Variants in PTPRA observed in about 807,000 individuals in gnomAD.
The protein encoded by PTPRA is protein tyrosine phosphatase receptor type A.
In PTPRA, 25 loss-of-function variants were observed where a neutral mutation model predicts 104.8. That is an observed-to-expected ratio of 0.24 (90% confidence interval 0.17 to 0.33). The LOEUF (loss-of-function observed/expected upper bound fraction) is 0.33. Ranked by LOEUF, PTPRA falls within the 10% of genes least tolerant of loss-of-function variation. The pLI is 1.00. For missense variants in PTPRA, 765 were observed against 1,015.3 expected, an observed-to-expected ratio of 0.75 and a Z score of 3.35; for synonymous variants, 323 against 368.9, an observed-to-expected ratio of 0.88 and a Z score of 1.43.
intron 1 of PTPRA, among the ~76,000 whole-genome samples, chr20:2,902,137 G>C (rs1442868639): frequency 1.3e-5 from 2 of 151,946 alleles, no homozygotes; most frequent in Non-Finnish European, 2.9e-5. Context: ...CACTTCCCTC[G>C]GCCTCCCAAA....
chr20:2,982,126 C>T (rs1415396715), intron 6 of PTPRA, among the ~76,000 whole-genome samples: 2 of 149,410 alleles, frequency 1.3e-5, no homozygotes, highest in African/African-American at 5.0e-5. Context: ...AGTCTCGCTC[C>T]GTCACCCAGG....
At chr20:2,979,157 T>C (rs2062566783) in intron 6 of PTPRA, among the ~76,000 whole-genome samples, 1 of 152,222 alleles carries the variant, frequency 6.6e-6, no homozygotes. Context: ...CCCCATGCCC[T>C]GGAAATGGTT....
upstream of PTPRA, among the ~76,000 whole-genome samples, chr20:2,869,748 C>T (rs2089405306): frequency 6.6e-6 from 1 of 152,114 alleles, no homozygotes; most frequent in Admixed American, 6.5e-5. Context: ...GGTGGATCAC[C>T]TGGGGTCAGG....
chr20:2,940,498 A>G (rs915824025), intron 2 of PTPRA, among the ~76,000 whole-genome samples: 6 of 152,086 alleles, frequency 3.9e-5, no homozygotes, highest in Non-Finnish European at 7.4e-5. Context: ...AGGATTGGCA[A>G]ACTATAATCT....
At position 2,885,013 on chromosome 20, in the gene PTPRA, G is replaced by A. The variant is rs566905284; in HGVS notation, c.-129+11253G>A. Among the ~76,000 whole-genome samples, 15 of 152,144 alleles carry A rather than the reference G, an allele frequency of 9.9e-5. No individual in the cohort carries two copies. In the South Asian group the frequency reaches 2.9e-3, roughly 30 times the overall value. ...TTTAGTAGAGATGGGATTTCACAGT[G>A]TTAGCCAGGATGGTCTCGACCTCGT... On this transcript the variant is annotated intron_variant, in intron 1 of 23. Coordinates refer to ENST00000399903, the MANE Select transcript of PTPRA (RefSeq NM_001385305.1).
chr20:2,935,491 A>G (rs1211020760), intron 2 of PTPRA, among the ~76,000 whole-genome samples: 4 of 152,228 alleles, frequency 2.6e-5, no homozygotes, highest in Non-Finnish European at 4.4e-5. Flanking sequence ...ACATACCCAT[A>G]TTAGTTATAT....
intron 5 of PTPRA, among the ~76,000 whole-genome samples, chr20:2,971,927 C>A (rs897053590): frequency 6.6e-6 from 1 of 152,056 alleles, no homozygotes; most frequent in Non-Finnish European, 1.5e-5. Context: ...CTCCACCTCG[C>A]GGGTTCAAGT....
At chr20:2,965,773 T>C (rs2061923449) in intron 5 of PTPRA, among the ~76,000 whole-genome samples, 1 of 152,182 alleles carries the variant, frequency 6.6e-6, no homozygotes. Context: ...AATGGTTACA[T>C]TGCAGTGCCA....
intron 3 of PTPRA, among the ~76,000 whole-genome samples, chr20:2,948,787 T>TA (rs1286067102): frequency 6.6e-6 from 1 of 151,618 alleles, no homozygotes; most frequent in Admixed American, 6.6e-5. Context: ...CTGTCTGTAC[T>TA]AAAAATAGAA....
intron 1 of PTPRA, among the ~76,000 whole-genome samples, chr20:2,902,421 A>G (rs1318633812): frequency 6.6e-6 from 1 of 152,014 alleles, no homozygotes; most frequent in Non-Finnish European, 1.5e-5. Context: ...GTTTCCAGGG[A>G]TATGTCTTCT....
intron 5 of PTPRA, among the ~76,000 whole-genome samples, chr20:2,967,803 G>A (rs1317543521): frequency 6.6e-6 from 1 of 152,200 alleles, no homozygotes; most frequent in East Asian, 1.9e-4. Context: ...TGAGGCTGCA[G>A]TGAGCTGTGT....
At chr20:2,917,262 A>G (rs1329814423) in intron 1 of PTPRA, among the ~76,000 whole-genome samples, 1 of 151,970 alleles carries the variant, frequency 6.6e-6, no homozygotes, top group Non-Finnish European at 1.5e-5. Context: ...ATTTTTGAAA[A>G]AATAAATAAA....
intron 11 of PTPRA, among the ~76,000 whole-genome samples, chr20:3,013,761 G>C (rs528138720): frequency 6.6e-6 from 1 of 152,204 alleles, no homozygotes; most frequent in East Asian, 1.9e-4. Flanking sequence ...TAGGAATGTA[G>C]CTACCACCTA....
chr20:2,868,469 C>T (rs2146695156), upstream of PTPRA, among the ~76,000 whole-genome samples: 1 of 151,414 alleles, frequency 6.6e-6, no homozygotes, highest in South Asian at 2.1e-4. Flanking sequence ...GGCCTGGACT[C>T]CACCTCCTGA....
At chr20:3,001,290 C>G (rs1373914441) in intron 9 of PTPRA, among the ~76,000 whole-genome samples, 2 of 152,208 alleles carry the variant, frequency 1.3e-5, no homozygotes, top group South Asian at 2.1e-4. Context: ...GCCCTTTCTT[C>G]TCTCTTGTTA....
At chr20:2,934,509 C>G (rs866430849) in intron 2 of PTPRA, among the ~76,000 whole-genome samples, 4 of 152,046 alleles carry the variant, frequency 2.6e-5, no homozygotes, top group Non-Finnish European at 5.9e-5. Context: ...AGTGCAAATA[C>G]TTGTTCATTA....
intron 13 of PTPRA, 79 bp from the exon 14 acceptor site, chr20:3,021,230 G>A: frequency 6.3e-7 from 1 of 1,588,624 alleles, no homozygotes. Context: ...GGGCTTTGTG[G>A]GCTCTTCCTT....
At chr20:2,910,610 ATTT>A (rs1352753968) in intron 1 of PTPRA, among the ~76,000 whole-genome samples, 1 of 45,386 alleles carries the variant, frequency 2.2e-5, no homozygotes, top group East Asian at 6.9e-4. Context: ...GTTTTTTTTA[ATTT>A]TTTTTTTTTT....
chr20:2,970,743 C>T (rs369467555), intron 5 of PTPRA, among the ~76,000 whole-genome samples: 6 of 152,040 alleles, frequency 3.9e-5, no homozygotes, highest in African/African-American at 1.4e-4. Flanking sequence ...TGGGTCATAT[C>T]TAGGAAGGCT....
Sources: gnomAD v4.1 joint callset for allele counts (sites outside exome capture counted in the v4.1 genomes callset) on GRCh38, gnomAD v4.1.1 for gene constraint, MANE v1.5 for transcripts, NCBI Gene and HGNC (gene_info 2026-07-23, HGNC 2026-07-21) for gene names.